Variants in COL22A1 observed in about 807,000 individuals in gnomAD.
COL22A1 encodes the protein collagen type XXII alpha 1 chain.
A neutral mutation model predicts 248.9 loss-of-function variants in COL22A1; 221 were observed. That is an observed-to-expected ratio of 0.89 (90% CI 0.80 to 0.99). The LOEUF (loss-of-function observed/expected upper bound fraction) is 0.99. Among genes scored for constraint, COL22A1 ranks in the 50% least tolerant of loss-of-function variants. The pLI is 0.00. For missense variants in COL22A1, 2,240 were observed against 2,179.0 expected, an observed-to-expected ratio of 1.03 and a Z score of -0.56; for synonymous variants, 891 against 793.4, an observed-to-expected ratio of 1.12 and a Z score of -2.07.
chr8:138,825,907 C>G (rs1819540807), intron 6 of COL22A1: 1 of 152,196 alleles, frequency 6.6e-6, no homozygotes, highest in Non-Finnish European at 1.5e-5. Flanking sequence ...TTGCTTTTAT[C>G]TCAAACCAAC....
intron 32 of COL22A1, among the ~76,000 whole-genome samples, chr8:138,696,578 C>T (rs920414239): frequency 1.3e-5 from 2 of 151,944 alleles, no homozygotes; most frequent in African/African-American, 4.9e-5. Context: ...TGGTTTCTAC[C>T]TGCCCTCCCT....
At chr8:138,734,237 T>A (rs1830935554) in intron 23 of COL22A1, among the ~76,000 whole-genome samples, 1 of 152,192 alleles carries the variant, frequency 6.6e-6, no homozygotes, top group Admixed American at 6.5e-5. Flanking sequence ...CCTGAATAAA[T>A]ATGAGATTTA....
intron 1 of COL22A1, among the ~76,000 whole-genome samples, chr8:138,911,610 A>G (rs1226773103): frequency 6.6e-6 from 1 of 152,234 alleles, no homozygotes; most frequent in Non-Finnish European, 1.5e-5. Context: ...CAGGGATTCC[A>G]GCCAAAAGAG....
chr8:138,687,097 C>A (rs1286976960), intron 37 of COL22A1, among the ~76,000 whole-genome samples: 1 of 152,190 alleles, frequency 6.6e-6, no homozygotes, highest in African/African-American at 2.4e-5. Context: ...GCTGGGATTA[C>A]AGGCATGTGC....
chr8:138,710,717 A>G (rs1828893162), intron 30 of COL22A1, among the ~76,000 whole-genome samples: 3 of 152,122 alleles, frequency 2.0e-5, no homozygotes, highest in Admixed American at 6.6e-5. Context: ...TTTTAAGCTC[A>G]GAATGCATGC....
At chr8:138,881,299 G>GAAA (rs60720644) in intron 2 of COL22A1, among the ~76,000 whole-genome samples, 88,942 of 138,984 alleles carry the variant, frequency 0.64, 30,232 homozygotes, top group East Asian at 0.82. Flanking sequence ...GAGAGGCTCA[G>GAAA]AAAAAAAAAA....
intron 22 of COL22A1, among the ~76,000 whole-genome samples, chr8:138,741,437 C>T (rs1831551057): frequency 1.3e-5 from 2 of 152,154 alleles, no homozygotes; most frequent in Non-Finnish European, 2.9e-5. Context: ...ATCTAAGGTA[C>T]ATTGGAAGGA....
At chr8:138,802,817 G>T in intron 11 of COL22A1, 55 bp downstream of exon 11, 1 of 1,407,626 alleles carries the variant, frequency 7.1e-7, no homozygotes, top group Non-Finnish European at 1.0e-6. Context: ...AGGGCCCTGG[G>T]TCCCCCACGC....
intron 36 of COL22A1, among the ~76,000 whole-genome samples, chr8:138,690,009 T>C (rs1196670637): frequency 2.0e-5 from 3 of 152,252 alleles, no homozygotes; most frequent in African/African-American, 2.4e-5. Flanking sequence ...TCCAGCAGGG[T>C]TGCTGTGTGG....
chr8:138,712,035 T>C (rs1829014049), intron 30 of COL22A1, among the ~76,000 whole-genome samples: 1 of 152,110 alleles, frequency 6.6e-6, no homozygotes, highest in African/African-American at 2.4e-5. Flanking sequence ...TGACCCCTCA[T>C]GGGGTTGGCC....
chr8:138,806,040 GA>G (rs1817628052), intron 10 of COL22A1, among the ~76,000 whole-genome samples: 1 of 99,904 alleles, frequency 1.0e-5, no homozygotes, highest in African/African-American at 3.9e-5. Context: ...TTGTGTGTGT[GA>G]TGGTGTAGGT....
intron 16 of COL22A1, among the ~76,000 whole-genome samples, chr8:138,769,676 C>T (rs1834204028): frequency 6.6e-6 from 1 of 152,176 alleles, no homozygotes; most frequent in African/African-American, 2.4e-5. Context: ...ATAAAGGCAA[C>T]CGAGTGAAGA....
rs377588915 is a variant in COL22A1 at position 138,613,851 on chromosome 8, G to A, written c.3978+16C>T. Reference sequence around the variant, plus strand: ...TGTAATAACATGAAGCACATTAGTCGCAAAGCAAAACTCACCGGTGGGCCC... The same window carrying A: ...TGTAATAACATGAAGCACATTAGTCACAAAGCAAAACTCACCGGTGGGCCC... On this transcript the variant is annotated intron_variant, in intron 56 of 64. Transcript: ENST00000303045. The A allele has an allele frequency of 1.2e-5, 20 of 1,611,126 alleles. No homozygotes were observed. The East Asian group carries it at 1.6e-4, about 13-fold the overall frequency.
intron 52 of COL22A1, among the ~76,000 whole-genome samples, chr8:138,620,977 CCATCCAT>C (rs1819746037): frequency 8.2e-6 from 1 of 121,732 alleles, no homozygotes; most frequent in Non-Finnish European, 1.9e-5. Flanking sequence ...ATCCATCCAT[CCATCCAT>C]CCATCCATCC....
chr8:138,713,463 C>T (rs977905923), intron 30 of COL22A1, among the ~76,000 whole-genome samples: 6 of 152,226 alleles, frequency 3.9e-5, no homozygotes, highest in African/African-American at 1.2e-4. Flanking sequence ...ACTGAGTATA[C>T]GGAACCCATG....
At chr8:138,759,540 C>A (rs1359663551) in intron 18 of COL22A1, among the ~76,000 whole-genome samples, 3 of 152,194 alleles carry the variant, frequency 2.0e-5, no homozygotes, top group Non-Finnish European at 4.4e-5. Context: ...CCCTCCTATG[C>A]CAATCCAGAA....
chr8:138,698,473 C>T (rs1827695257), intron 32 of COL22A1, among the ~76,000 whole-genome samples: 2 of 152,212 alleles, frequency 1.3e-5, no homozygotes, highest in South Asian at 4.1e-4. Flanking sequence ...CAGGAAAACG[C>T]CCGGAGCTGA....
chr8:138,907,984 C>T (rs1024234366), intron 1 of COL22A1, among the ~76,000 whole-genome samples: 5 of 152,184 alleles, frequency 3.3e-5, no homozygotes, highest in Admixed American at 2.6e-4. Context: ...TGGGGAGACA[C>T]ACTCAAATCG....
chr8:138,773,729 G>T (rs1372475104), intron 16 of COL22A1, among the ~76,000 whole-genome samples: 1 of 152,308 alleles, frequency 6.6e-6, no homozygotes, highest in Admixed American at 6.5e-5. Flanking sequence ...AAGACGGGAT[G>T]CCTGGAAGCC....
Sources: allele counts gnomAD v4.1 joint callset (sites outside exome capture counted in the v4.1 genomes callset), GRCh38; gene constraint gnomAD v4.1.1; transcripts MANE v1.5; gene names NCBI Gene and HGNC (gene_info 2026-07-23, HGNC 2026-07-21).